Variants in LRRC4C observed in about 807,000 individuals in gnomAD.
LRRC4C encodes leucine rich repeat containing 4C, also known as leucine-rich repeat-containing protein 4C.
LRRC4C carries 5 observed loss-of-function variants against 33.6 expected under a neutral mutation model. That is an observed-to-expected ratio of 0.15 (90% CI 0.08 to 0.31). The LOEUF is 0.31. LRRC4C is among the 10% of genes least tolerant of loss of function. LRRC4C has a pLI of 1.00. For synonymous variants in LRRC4C, 329 were observed against 302.0 expected (o/e 1.09, Z -0.93); for missense variants, 560 against 796.7 (o/e 0.70, Z 3.58).
chr11:40,498,983 A>G (rs1038973575), intron 3 of LRRC4C, among the ~76,000 whole-genome samples: 1 of 152,156 alleles, frequency 6.6e-6, no homozygotes, highest in Non-Finnish European at 1.5e-5. Context: ...TCCTCTCCCC[A>G]TGTTACCAGG....
At chr11:40,371,920 G>C (rs1333863717) in intron 3 of LRRC4C, among the ~76,000 whole-genome samples, 1 of 152,172 alleles carries the variant, frequency 6.6e-6, no homozygotes. Flanking sequence ...TAGGTAGATA[G>C]GGCAGGAGCG....
chr11:41,007,916 A>G (rs1011650820), intron 1 of LRRC4C, among the ~76,000 whole-genome samples: 1 of 152,096 alleles, frequency 6.6e-6, no homozygotes, highest in South Asian at 2.1e-4. Context: ...TGGTTCCAAT[A>G]ATTAGCAGCA....
chr11:41,072,971 A>G (rs903809388), intron 1 of LRRC4C, among the ~76,000 whole-genome samples: 3 of 152,194 alleles, frequency 2.0e-5, no homozygotes, highest in African/African-American at 7.2e-5. Flanking sequence ...ATAGATTTGT[A>G]TAAGTTGGGA....
intron 3 of LRRC4C, among the ~76,000 whole-genome samples, chr11:40,330,238 TG>T (rs1418616356): frequency 3.3e-5 from 5 of 152,204 alleles, no homozygotes; most frequent in Non-Finnish European, 7.3e-5. Context: ...CCCAGATAGC[TG>T]GTAAAACATT....
Position 40,671,667 on chromosome 11 carries a change from G to GTGTT in LRRC4C, c.-406-23390_-406-23389insAACA, listed in dbSNP as rs1351226355. On this transcript the variant is annotated intron_variant, in intron 2 of 6. Transcript: ENST00000528697. ...ATTCAGTGTGTGTGTGTGTGTGTGT[G>GTGTT]TGTGTGTGTGTAGTATATATATATG... 5.1e-3 allele frequency among the ~76,000 whole-genome samples: 551 copies of GTGTT among 107,542 alleles called. 6 individuals are homozygous for GTGTT. Among genetic ancestry groups the GTGTT allele is most frequent in the African/African-American group, 0.019 (527 of 27,828 alleles). The allele number at this position is 107,542 out of a possible 152,430, so 70.6% of individuals were successfully genotyped here.
At chr11:40,452,972 A>G (rs889587988) in intron 3 of LRRC4C, among the ~76,000 whole-genome samples, 21 of 148,014 alleles carry the variant, frequency 1.4e-4, no homozygotes, top group Non-Finnish European at 1.8e-4. Context: ...ATCGGTGGGA[A>G]TCGAACAATG....
chr11:40,436,771 C>T (rs916199682), intron 3 of LRRC4C, among the ~76,000 whole-genome samples: 2 of 152,138 alleles, frequency 1.3e-5, no homozygotes, highest in Non-Finnish European at 2.9e-5. Flanking sequence ...AGTGCTAGAC[C>T]CCAGCATGGT....
chr11:40,701,197 A>C (rs1214814095), intron 2 of LRRC4C, among the ~76,000 whole-genome samples: 1 of 152,176 alleles, frequency 6.6e-6, no homozygotes, highest in African/African-American at 2.4e-5. Context: ...CCCAGTGCTA[A>C]GAAGCTCATT....
Position 40,373,690 on chromosome 11 carries a change from C to T in LRRC4C, c.-269-53969G>A, listed in dbSNP as rs1433150473. On this transcript the variant is annotated intron_variant, in intron 3 of 6. Coordinates refer to ENST00000528697, the MANE Select transcript of LRRC4C (RefSeq NM_001258419.2). ...ACTCATGAACGGCCTGGCACCATCC[C>T]CTTGGTGATCAGTGAGTTCTCGCTC... Among the ~76,000 whole-genome samples the T allele has an allele frequency of 3.3e-5, 5 of 152,054 alleles. No homozygotes were observed. The East Asian group carries it at 7.8e-4, about 24-fold the overall frequency.
chr11:41,231,899 T>C (rs7116116), intron 1 of LRRC4C, among the ~76,000 whole-genome samples: 5,593 of 151,824 alleles, frequency 0.037, 148 homozygotes, highest in African/African-American at 0.068. Context: ...TTTTAGTGGA[T>C]TTTCTTTGCC....
At position 41,445,865 on chromosome 11, in the gene LRRC4C, C is replaced by CGTGTGTGT. The variant is rs748457357; in HGVS notation, c.-496+13565_-496+13566insACACACAC. ...CACAGTGTGTATGAATGAGTGACTG[C>CGTGTGTGT]ATGTGTGTGTGTGTGTGTGTGTGTG... is the stretch of plus-strand genomic sequence containing the variant. On this transcript the variant is annotated intron_variant, in intron 1 of 6. Coordinates refer to ENST00000528697, the MANE Select transcript of LRRC4C (RefSeq NM_001258419.2). 8.4e-3 allele frequency among the ~76,000 whole-genome samples: 1,133 copies of CGTGTGTGT among 135,550 alleles called. 11 individuals carry two copies. The highest frequency in any genetic ancestry group is 0.029 in the African/African-American group (1,056 of 36,688). 88.9% of individuals were successfully genotyped at this position (135,550 alleles called of 152,430 possible).
chr11:40,393,938 A>G (rs1949436925), intron 3 of LRRC4C, among the ~76,000 whole-genome samples: 1 of 152,126 alleles, frequency 6.6e-6, no homozygotes, highest in Admixed American at 6.6e-5. Context: ...ATGACTCTTA[A>G]GAGAAAAAAA....
At chr11:40,943,379 C>T (rs1024859526) in intron 1 of LRRC4C, among the ~76,000 whole-genome samples, 4 of 152,128 alleles carry the variant, frequency 2.6e-5, no homozygotes, top group Admixed American at 6.6e-5. Flanking sequence ...CTTCAAAACC[C>T]GTATTCTTAA....
At chr11:41,307,749 A>C in intron 1 of LRRC4C, among the ~76,000 whole-genome samples, 1 of 152,172 alleles carries the variant, frequency 6.6e-6, no homozygotes, top group Admixed American at 6.5e-5. Context: ...ACACAATTTG[A>C]GATTCTTCAG....
At chr11:40,494,659 C>A (rs1442428807) in intron 3 of LRRC4C, among the ~76,000 whole-genome samples, 1 of 152,056 alleles carries the variant, frequency 6.6e-6, no homozygotes, top group Non-Finnish European at 1.5e-5. Flanking sequence ...AGTGGTAAAT[C>A]ATATGCCCTG....
At chr11:40,626,641 T>C (rs1480867606) in intron 3 of LRRC4C, among the ~76,000 whole-genome samples, 1 of 152,186 alleles carries the variant, frequency 6.6e-6, no homozygotes, top group African/African-American at 2.4e-5. Context: ...TGTACATCAT[T>C]AACATCTGGG....
At chr11:40,390,967 C>T (rs1048502671) in intron 3 of LRRC4C, among the ~76,000 whole-genome samples, 1 of 151,982 alleles carries the variant, frequency 6.6e-6, no homozygotes, top group African/African-American at 2.4e-5. Flanking sequence ...CTGCAACCTC[C>T]GCCTCCCAGG....
At chr11:40,700,112 T>C (rs956168060) in intron 2 of LRRC4C, among the ~76,000 whole-genome samples, 1 of 152,142 alleles carries the variant, frequency 6.6e-6, no homozygotes, top group African/African-American at 2.4e-5. Context: ...TGGGAAATGA[T>C]TGAACGTCTT....
intron 5 of LRRC4C, among the ~76,000 whole-genome samples, chr11:40,239,879 C>T (rs1267053634): frequency 6.6e-6 from 1 of 152,138 alleles, no homozygotes; most frequent in Admixed American, 6.6e-5. Context: ...ACTCAGTTGA[C>T]CCTTAATCTG....
Sources: gnomAD v4.1 joint callset for allele counts (sites outside exome capture counted in the v4.1 genomes callset) on GRCh38, gnomAD v4.1.1 for gene constraint, MANE v1.5 for transcripts, NCBI Gene and HGNC (gene_info 2026-07-23, HGNC 2026-07-21) for gene names.